VPS39: variants seen among roughly 807,000 people sequenced by gnomAD.
VPS39 encodes the protein vam6/Vps39-like protein.
Under a neutral mutation model 121.0 loss-of-function variants are expected in VPS39, and 70 were observed. The observed-to-expected ratio is 0.58, with a 90% CI of 0.48 to 0.71. VPS39 has a LOEUF of 0.71. Ranked by LOEUF, VPS39 falls within the 30% of genes least tolerant of loss-of-function variation. The pLI is 0.00. For missense variants in VPS39, 818 were observed against 1,051.5 expected, an observed-to-expected ratio of 0.78 and a Z score of 3.07; for synonymous variants, 378 against 398.1, an observed-to-expected ratio of 0.95 and a Z score of 0.60.
chr15:42,173,935 G>T, intron 10 of VPS39, 83 bp from the exon 11 acceptor site: 1 of 1,521,076 alleles, frequency 6.6e-7, no homozygotes, highest in Non-Finnish European at 8.9e-7. Context: ...GAAGATGCTA[G>T]GAGCTACAGA....
chr15:42,192,747 A>C (rs1242552452), intron 2 of VPS39, among the ~76,000 whole-genome samples: 1 of 151,708 alleles, frequency 6.6e-6, no homozygotes, highest in Non-Finnish European at 1.5e-5. Flanking sequence ...TATTGCATTT[A>C]ATACTTCTCT....
intron 12 of VPS39, 65 bp from the exon 13 acceptor site, chr15:42,167,602 G>C: frequency 6.3e-7 from 1 of 1,579,686 alleles, no homozygotes; most frequent in Non-Finnish European, 8.6e-7. Context: ...TGAGCTACTG[G>C]GTAATTCTGA....
Position 42,162,005 on chromosome 15 carries a change from C to T in VPS39, c.2460+27G>A, listed in dbSNP as rs751883544. On this transcript the variant is annotated intron_variant, in intron 23 of 24. Coordinates refer to ENST00000318006, the MANE Select transcript of VPS39 (RefSeq NM_015289.5). ...CTCATACTAAAAGTTAAAAGCCCAC[C>T]CTAGAGTTTGGAAGGCCCATACCTA... The T allele has an allele frequency of 7.4e-6, 12 of 1,613,626 alleles. No individual in the cohort carries two copies. The South Asian group carries it at 9.9e-5, about 13-fold the overall frequency.
intron 24 of VPS39, 83 bp from the exon 25 acceptor site, chr15:42,160,912 C>A: frequency 7.0e-7 from 1 of 1,425,288 alleles, no homozygotes; most frequent in South Asian, 1.2e-5. Flanking sequence ...ACAGAAGAGG[C>A]ACATTGCTGG....
chr15:42,161,115 G>C, intron 24 of VPS39: 1 of 398,610 alleles, frequency 2.5e-6, no homozygotes, highest in Non-Finnish European at 4.6e-6. Flanking sequence ...CCAGCCCAAA[G>C]CTCAGCCCTG....
At position 42,193,851 on chromosome 15, in the gene VPS39, TAAA is replaced by T. The variant is rs35451716; in HGVS notation, c.140-2294_140-2292del. ...TAAAGTAACAGATTCCCTTTGTTCA[TAAA>T]AAAAAAAAAAAAAATGCCAAATATC... On this transcript the variant is annotated intron_variant, in intron 2 of 24. Coordinates refer to ENST00000318006, the MANE Select transcript of VPS39 (RefSeq NM_015289.5). Among the ~76,000 whole-genome samples the T allele has an allele frequency of 2.1e-3, 256 of 120,858 alleles. 1 individual carries two copies. The highest frequency in any genetic ancestry group is 5.7e-3 in the African/African-American group (211 of 37,098). 79.3% of individuals were successfully genotyped at this position (120,858 alleles called of 152,430 possible). A position where few individuals can be genotyped will look rare whatever the true frequency, so the allele number is the denominator to read the frequency against.
intron 8 of VPS39, 70 bp downstream of exon 8, chr15:42,184,447 G>A (rs1425559398): frequency 1.4e-6 from 2 of 1,479,258 alleles, no homozygotes; most frequent in Non-Finnish European, 9.0e-7. Flanking sequence ...CTACGAATGG[G>A]ACTCCGTTCT....
rs777209086 is a variant in VPS39 at position 42,178,220 on chromosome 15, C to T, written c.958G>A (p.Ala320Thr). ...GACTAGTCAGGAACAAGACTTACTG[C>T]GAGCTGCAGAGCCAATTCAAACTGC... ...DKQFELALQL[A>T]EMKDDSDSEK... Residue 320 changes from alanine (A) to threonine (T), a missense_variant and splice_region_variant, in exon 10 of 25, where the codon GCA becomes ACA. Coordinates refer to ENST00000318006, the MANE Select transcript of VPS39 (RefSeq NM_015289.5). The T allele has an allele frequency of 1.7e-5, 27 of 1,613,942 alleles. No individual in the cohort carries two copies. Among genetic ancestry groups the T allele is most frequent in the African/African-American group, 2.7e-5 (2 of 74,898 alleles).
At chr15:42,171,963 G>A (rs1300762709) in intron 11 of VPS39, among the ~76,000 whole-genome samples, 2 of 152,124 alleles carry the variant, frequency 1.3e-5, no homozygotes, top group African/African-American at 4.8e-5. Context: ...GAGTCTGGGG[G>A]TCAGACCATG....
At chr15:42,200,435 G>C (rs1487389700) in intron 1 of VPS39, among the ~76,000 whole-genome samples, 1 of 152,062 alleles carries the variant, frequency 6.6e-6, no homozygotes, top group Admixed American at 6.6e-5. Context: ...TCCAACCTCA[G>C]CAATAATAGC....
intron 2 of VPS39, among the ~76,000 whole-genome samples, chr15:42,197,450 G>A (rs2049966295): frequency 6.6e-6 from 1 of 151,966 alleles, no homozygotes. Context: ...CTACCTGGGA[G>A]GCTGAGGTGG....
At chr15:42,185,962 A>AC (rs1358892426) in intron 7 of VPS39, among the ~76,000 whole-genome samples, 1 of 152,244 alleles carries the variant, frequency 6.6e-6, no homozygotes, top group African/African-American at 2.4e-5. Context: ...CAGTCAGAGA[A>AC]CTGAGAGCCT....
chr15:42,201,142 A>C (rs1357681664), intron 1 of VPS39, among the ~76,000 whole-genome samples: 3 of 151,766 alleles, frequency 2.0e-5, no homozygotes, highest in African/African-American at 7.3e-5. Context: ...TAACTCTGTG[A>C]ATGTACTAAA....
At chr15:42,161,827 A>G in intron 23 of VPS39, 54 bp from the exon 24 acceptor site, 1 of 1,601,322 alleles carries the variant, frequency 6.2e-7, no homozygotes. Context: ...ACCCAGAAAC[A>G]GGAGGCAGAG....
At chr15:42,188,968 G>GA (rs2049763661) in intron 5 of VPS39, 146 bp downstream of exon 5, 10 of 616,368 alleles carry the variant, frequency 1.6e-5, no homozygotes, top group South Asian at 1.0e-4. Flanking sequence ...TCCATCTCAG[G>GA]AAAAAAATAA....
intron 12 of VPS39, 57 bp from the exon 13 acceptor site, chr15:42,167,594 A>G: frequency 6.3e-7 from 1 of 1,593,322 alleles, no homozygotes; most frequent in Non-Finnish European, 8.6e-7. Flanking sequence ...TTGTCATCTG[A>G]GCTACTGGGT....
At chr15:42,191,663 T>C (rs2049830006) in intron 2 of VPS39, 103 bp from the exon 3 acceptor site, 1 of 990,486 alleles carries the variant, frequency 1.0e-6, no homozygotes, top group Non-Finnish European at 1.5e-6. Context: ...TATAAATCTT[T>C]GGAAGTTCCT....
chr15:42,163,663 A>C lies in VPS39; in HGVS notation c.2092T>G (p.Tyr698Asp). 1 of 1,614,088 alleles carries C rather than the reference A, an allele frequency of 6.2e-7. No homozygotes were observed. The highest frequency in any genetic ancestry group is 1.7e-4 in the Middle Eastern group (1 of 6,056). ...MGKHEQALFI[Y>D]VHILKDTRMA... is the part of the protein sequence containing the mutation. ...CTTGTATCCTTCAAGATGTGGACATAAATGAAAAGAGCTTGTTCATGTTTC... is the reference window on the plus strand; with the variant it reads ...CTTGTATCCTTCAAGATGTGGACATCAATGAAAAGAGCTTGTTCATGTTTC... Residue 698 changes from tyrosine (Y) to aspartate (D), a missense_variant, in exon 20 of 25, where the codon TAT becomes GAT. Transcript: ENST00000318006.
intron 18 of VPS39, 56 bp downstream of exon 18, chr15:42,164,940 G>T: frequency 6.2e-7 from 1 of 1,608,976 alleles, no homozygotes; most frequent in Admixed American, 1.7e-5. Flanking sequence ...GTGGCACCTG[G>T]GTCTGTGCTC....
Sources: gnomAD v4.1 joint callset for allele counts (sites outside exome capture counted in the v4.1 genomes callset) on GRCh38, gnomAD v4.1.1 for gene constraint, MANE v1.5 for transcripts, NCBI Gene and HGNC (gene_info 2026-07-23, HGNC 2026-07-21) for gene names.